Variants in RSRC1 observed in about 807,000 individuals in gnomAD.
RSRC1 encodes the protein serine/Arginine-related protein 53.
Under a neutral mutation model 49.1 loss-of-function variants are expected in RSRC1, and 39 were observed. The observed-to-expected ratio is 0.79, with a 90% confidence interval of 0.61 to 1.04. The LOEUF is 1.04. Among genes scored for constraint, RSRC1 ranks in the 50% least tolerant of loss-of-function variants. The probability of loss-of-function intolerance (pLI) is 0.00; values close to 1 mark genes in which losing one functional copy is unlikely to be tolerated. For synonymous variants in RSRC1, 143 were observed against 130.8 expected, an observed-to-expected ratio of 1.09 and a Z score of -0.63; for missense variants, 388 against 402.4, an observed-to-expected ratio of 0.96 and a Z score of 0.31.
At chr3:158,348,553 G>T (rs1427907205) in intron 5 of RSRC1, among the ~76,000 whole-genome samples, 1 of 151,388 alleles carries the variant, frequency 6.6e-6, no homozygotes, top group East Asian at 2.0e-4. Flanking sequence ...GTTAATCTTA[G>T]AAGTTTTTGT....
intron 5 of RSRC1, among the ~76,000 whole-genome samples, chr3:158,304,467 A>T (rs1006606347): frequency 2.0e-5 from 3 of 152,148 alleles, no homozygotes; most frequent in Admixed American, 6.6e-5. Context: ...AATAGATTGT[A>T]AACTCTAAAC....
intron 3 of RSRC1, among the ~76,000 whole-genome samples, chr3:158,140,141 C>G (rs926046791): frequency 6.6e-6 from 1 of 152,092 alleles, no homozygotes; most frequent in Non-Finnish European, 1.5e-5. Flanking sequence ...TTGGGGTTTT[C>G]ACTGGTTCTG....
intron 3 of RSRC1, among the ~76,000 whole-genome samples, chr3:158,127,698 C>A (rs1358802079): frequency 6.8e-6 from 1 of 146,412 alleles, no homozygotes; most frequent in Non-Finnish European, 1.5e-5. Flanking sequence ...TGGTTTCTGG[C>A]AATTTATTTG....
At chr3:158,292,915 CA>C (rs1269404129) in intron 4 of RSRC1, among the ~76,000 whole-genome samples, 1 of 152,100 alleles carries the variant, frequency 6.6e-6, no homozygotes. Context: ...CTCAAGCTCA[CA>C]GGACTATTTT....
intron 5 of RSRC1, among the ~76,000 whole-genome samples, chr3:158,319,418 T>A (rs1422434897): frequency 6.6e-6 from 1 of 152,146 alleles, no homozygotes; most frequent in Non-Finnish European, 1.5e-5. Flanking sequence ...AAACCTCTTT[T>A]CTTTATAAAT....
intron 7 of RSRC1, among the ~76,000 whole-genome samples, chr3:158,529,051 T>C (rs1712218838): frequency 6.6e-6 from 1 of 151,656 alleles, no homozygotes; most frequent in Non-Finnish European, 1.5e-5. Context: ...TTTAAATTCA[T>C]TTACAAAGGT....
At chr3:158,434,105 A>G (rs1486515965) in intron 6 of RSRC1, among the ~76,000 whole-genome samples, 1 of 151,928 alleles carries the variant, frequency 6.6e-6, no homozygotes, top group African/African-American at 2.4e-5. Context: ...CTATGCTAAA[A>G]CTAAAATCCA....
chr3:158,385,306 G>GTA (rs1448805776), intron 6 of RSRC1, among the ~76,000 whole-genome samples: 1 of 152,098 alleles, frequency 6.6e-6, no homozygotes, highest in Non-Finnish European at 1.5e-5. Flanking sequence ...TATGGATACA[G>GTA]TATAGCATTG....
At position 158,229,316 on chromosome 3, in the gene RSRC1, A is replaced by AT. The variant is rs1190003755; in HGVS notation, c.494+26071_494+26072insT. 1.1e-4 allele frequency among the ~76,000 whole-genome samples: 17 copies of AT among 150,004 alleles called. 1 individual carries two copies. Among genetic ancestry groups the AT allele is most frequent in the African/African-American group, 3.7e-4 (15 of 40,880 alleles). ...CACGTATATGTGTATGTATGTATAT[A>AT]AACATACACAGGTATATGTGTATGT... is the stretch of plus-strand genomic sequence containing the variant. On this transcript the variant is annotated intron_variant, in intron 4 of 9. Coordinates refer to ENST00000611884, the MANE Select transcript of RSRC1 (RefSeq NM_001271838.2).
At chr3:158,219,704 A>G (rs940476523) in intron 4 of RSRC1, among the ~76,000 whole-genome samples, 1 of 151,628 alleles carries the variant, frequency 6.6e-6, no homozygotes, top group African/African-American at 2.4e-5. Context: ...GAGACCATTT[A>G]GGAGTCTTAT....
chr3:158,173,021 T>C (rs1718967625), intron 3 of RSRC1, among the ~76,000 whole-genome samples: 1 of 152,096 alleles, frequency 6.6e-6, no homozygotes, highest in South Asian at 2.1e-4. Context: ...ACAGTCGATA[T>C]GTATCTATCT....
intron 6 of RSRC1, among the ~76,000 whole-genome samples, chr3:158,399,061 C>G (rs917724948): frequency 7.1e-6 from 1 of 141,058 alleles, no homozygotes; most frequent in Non-Finnish European, 1.5e-5. Context: ...TGAGATATTT[C>G]TAAAATCTTT....
intron 6 of RSRC1, among the ~76,000 whole-genome samples, chr3:158,370,955 G>A (rs1206183103): frequency 6.6e-6 from 1 of 151,650 alleles, no homozygotes; most frequent in Non-Finnish European, 1.5e-5. Flanking sequence ...GGTGGTGTTG[G>A]CTTTTTTCTG....
intron 7 of RSRC1, among the ~76,000 whole-genome samples, chr3:158,529,086 A>C (rs562105286): frequency 1.3e-4 from 19 of 151,542 alleles, no homozygotes; most frequent in African/African-American, 4.3e-4. Flanking sequence ...ATATATATAT[A>C]TCCCTTTAAA....
At chr3:158,142,467 C>T (rs1716809443) in intron 3 of RSRC1, among the ~76,000 whole-genome samples, 1 of 151,838 alleles carries the variant, frequency 6.6e-6, no homozygotes, top group Non-Finnish European at 1.5e-5. Context: ...AAAAGGAATA[C>T]CTGAGACTGA....
chr3:158,186,166 C>T (rs1719919434), intron 3 of RSRC1, among the ~76,000 whole-genome samples: 1 of 151,904 alleles, frequency 6.6e-6, no homozygotes, highest in African/African-American at 2.4e-5. Flanking sequence ...GATCTTCTGT[C>T]ACTTCATAAA....
At chr3:158,397,544 A>G (rs1425551822) in intron 6 of RSRC1, among the ~76,000 whole-genome samples, 1 of 152,194 alleles carries the variant, frequency 6.6e-6, no homozygotes, top group African/African-American at 2.4e-5. Context: ...AAAACACTCT[A>G]GAGAATTATT....
intron 5 of RSRC1, among the ~76,000 whole-genome samples, chr3:158,352,581 G>A (rs1428705802): frequency 6.6e-6 from 1 of 152,098 alleles, no homozygotes; most frequent in African/African-American, 2.4e-5. Flanking sequence ...CTACTTACAA[G>A]GATGCTCTGA....
rs143616020 is a variant in RSRC1, at chr3:158,131,956, A to G, written c.320+7965A>G. The stretch of plus-strand genomic sequence containing the variant: ...CACTGTAAAGGCCAGCATAAATGCT[A>G]TTGTTTTCTTTAGAAGTCATTTTAT... On this transcript the variant is annotated intron_variant, in intron 3 of 9. Transcript: ENST00000611884. 1.8e-3 allele frequency: 373 copies of G among 203,374 alleles called. 3 individuals carry two copies. Among genetic ancestry groups the G allele is most frequent in the African/African-American group, 8.0e-3 (353 of 44,330 alleles). The allele number at this position is 203,374 out of a possible 1,614,324, so 12.6% of individuals were successfully genotyped here.
Sources: allele counts gnomAD v4.1 joint callset (sites outside exome capture counted in the v4.1 genomes callset), GRCh38; gene constraint gnomAD v4.1.1; transcripts MANE v1.5; gene names NCBI Gene and HGNC (gene_info 2026-07-23, HGNC 2026-07-21).